The following MYLK variants were observed in gnomAD, a reference collection of about 807,000 sequenced individuals.
The protein encoded by MYLK is myosin light chain kinase, smooth muscle.
MYLK carries 106 observed loss-of-function variants against 203.4 expected under a neutral mutation model. The observed-to-expected ratio is 0.52, with a 90% CI of 0.45 to 0.61. The LOEUF (loss-of-function observed/expected upper bound fraction) is 0.61. Ranked by LOEUF, MYLK falls within the 20% of genes least tolerant of loss-of-function variation. The pLI is 0.00. For synonymous variants in MYLK, 867 were observed against 959.5 expected, an observed-to-expected ratio of 0.90 and a Z score of 1.78; for missense variants, 2,072 against 2,442.3, an observed-to-expected ratio of 0.85 and a Z score of 3.20.
At chr3:123,691,752 T>A (rs1250208605) in intron 19 of MYLK, 1 of 152,248 alleles carries the variant, frequency 6.6e-6, no homozygotes, top group Admixed American at 6.5e-5. Context: ...CACTAGTTTT[T>A]GATGTGTCTC....
At chr3:123,817,791 C>T (rs1204252125) in intron 3 of MYLK, among the ~76,000 whole-genome samples, 2 of 152,076 alleles carry the variant, frequency 1.3e-5, no homozygotes, top group East Asian at 3.9e-4. Context: ...TCCTCCAGAT[C>T]CTTAGGGTGG....
chr3:123,688,062 G>T (rs2060525644), intron 19 of MYLK, among the ~76,000 whole-genome samples: 1 of 152,036 alleles, frequency 6.6e-6, no homozygotes, highest in South Asian at 2.1e-4. Flanking sequence ...TCTCACTGGA[G>T]TACTTCCTTC....
intron 3 of MYLK, among the ~76,000 whole-genome samples, chr3:123,814,857 A>G (rs1422340112): frequency 2.0e-5 from 3 of 152,026 alleles, no homozygotes; most frequent in Non-Finnish European, 2.9e-5. Flanking sequence ...CAGCGGCATG[A>G]TCTCGGCTCA....
At chr3:123,659,771 C>A in intron 23 of MYLK, 1 of 494,656 alleles carries the variant, frequency 2.0e-6, no homozygotes, top group South Asian at 1.5e-5. Flanking sequence ...GGAGGGAGAC[C>A]CTGGGCATCT....
chr3:123,667,874 C>T (rs1344793698), intron 20 of MYLK, among the ~76,000 whole-genome samples: 1 of 152,184 alleles, frequency 6.6e-6, no homozygotes, highest in Non-Finnish European at 1.5e-5. Flanking sequence ...GTCAGATAAA[C>T]CAACTAAAAT....
chr3:123,761,335 C>G (rs2063526798), intron 4 of MYLK, among the ~76,000 whole-genome samples: 1 of 152,206 alleles, frequency 6.6e-6, no homozygotes, highest in African/African-American at 2.4e-5. Flanking sequence ...AATTTCTGAT[C>G]TCTGCAGCCT....
At chr3:123,666,433 T>C in intron 21 of MYLK, 87 bp from the exon 22 acceptor site, 1 of 1,585,544 alleles carries the variant, frequency 6.3e-7, no homozygotes, top group Non-Finnish European at 8.6e-7. Flanking sequence ...CAGTGGTCTG[T>C]TGGCTTCTCT....
intron 1 of MYLK, among the ~76,000 whole-genome samples, chr3:123,878,719 C>G (rs2033315167): frequency 6.6e-6 from 1 of 152,090 alleles, no homozygotes; most frequent in African/African-American, 2.4e-5. Flanking sequence ...CGAAGTCTTG[C>G]TCTTGTTGCC....
intron 2 of MYLK, among the ~76,000 whole-genome samples, chr3:123,842,738 G>T (rs2066624008): frequency 6.6e-6 from 1 of 152,160 alleles, no homozygotes; most frequent in African/African-American, 2.4e-5. Flanking sequence ...TAGACATTGT[G>T]TCCATTTATG....
chr3:123,708,998 A>C, intron 14 of MYLK, 103 bp from the exon 15 acceptor site: 3 of 934,126 alleles, frequency 3.2e-6, no homozygotes, highest in South Asian at 3.1e-5. Context: ...CACTCCAACA[A>C]CTCTCTATGC....
chr3:123,635,322 TCTC>T (rs755177377), intron 29 of MYLK, among the ~76,000 whole-genome samples: 70 of 152,276 alleles, frequency 4.6e-4, no homozygotes, highest in African/African-American at 1.7e-3. Flanking sequence ...AAGGAAACCA[TCTC>T]CTTGGCGCCA....
chr3:123,648,867 G>T lies in MYLK; in HGVS notation c.4415+104C>A. The T allele has an allele frequency of 1.1e-6, 1 of 947,984 alleles. No individual in the cohort carries two copies. The highest frequency in any genetic ancestry group is 1.7e-6 in the Non-Finnish European group (1 of 585,478). 58.7% of individuals were successfully genotyped at this position (947,984 alleles called of 1,614,324 possible). Reference sequence around the variant, plus strand: ...TGCAGGACTCTCAGTCTGGGGAGGAGGCAGGCCCCAGGGAGCAACAGGAAG... The same window carrying T: ...TGCAGGACTCTCAGTCTGGGGAGGATGCAGGCCCCAGGGAGCAACAGGAAG... On this transcript the variant is annotated intron_variant, in intron 26 of 33. Transcript: ENST00000360304. The surrounding 1 kb of genome is among the most constrained non-coding windows in gnomAD (Gnocchi z 4.5).
chr3:123,842,410 TC>T (rs2066616156), intron 2 of MYLK, among the ~76,000 whole-genome samples: 1 of 152,166 alleles, frequency 6.6e-6, no homozygotes, highest in Non-Finnish European at 1.5e-5. Context: ...CCAATTCTGC[TC>T]AATTTAATCC....
chr3:123,721,732 C>T (rs967764849), intron 13 of MYLK, among the ~76,000 whole-genome samples: 22 of 150,928 alleles, frequency 1.5e-4, no homozygotes, highest in East Asian at 3.9e-4. Context: ...TTGTAGTGTG[C>T]GAGGTTTTCT....
intron 7 of MYLK, among the ~76,000 whole-genome samples, chr3:123,738,683 C>T (rs779969341): frequency 9.9e-5 from 15 of 152,162 alleles, no homozygotes; most frequent in Non-Finnish European, 1.8e-4. Flanking sequence ...GAGGAGTTCC[C>T]CTGCACATGC....
chr3:123,867,735 G>A (rs1165959990), intron 2 of MYLK, among the ~76,000 whole-genome samples: 1 of 152,156 alleles, frequency 6.6e-6, no homozygotes, highest in Non-Finnish European at 1.5e-5. Context: ...GAGCCACCTG[G>A]CTGTGGTACT....
chr3:123,789,335 C>A (rs147991061), intron 4 of MYLK, among the ~76,000 whole-genome samples: 1 of 152,028 alleles, frequency 6.6e-6, no homozygotes, highest in African/African-American at 2.4e-5. Context: ...TTTGACCCCG[C>A]CCCCCCAGGC....
chr3:123,794,433 C>T (rs1028421027), intron 3 of MYLK, among the ~76,000 whole-genome samples: 2 of 152,148 alleles, frequency 1.3e-5, no homozygotes, highest in Admixed American at 6.5e-5. Context: ...GGACATCCCA[C>T]CTCTGAGGAC....
intron 3 of MYLK, among the ~76,000 whole-genome samples, chr3:123,811,103 T>C (rs886186142): frequency 1.3e-5 from 2 of 152,208 alleles, no homozygotes; most frequent in Admixed American, 1.3e-4. Flanking sequence ...AATGATCAAC[T>C]GAGAGCACAG....
Sources: allele counts gnomAD v4.1 joint callset (sites outside exome capture counted in the v4.1 genomes callset), GRCh38; gene constraint gnomAD v4.1.1; non-coding constraint Gnocchi (gnomAD v3.1); transcripts MANE v1.5; gene names NCBI Gene and HGNC (gene_info 2026-07-23, HGNC 2026-07-21).